The following CSMD1 variants were observed in gnomAD, a reference collection of about 807,000 sequenced individuals.
CSMD1 encodes the protein CUB and Sushi multiple domains 1, also known as CUB and sushi domain-containing protein 1.
A neutral mutation model predicts 417.5 loss-of-function variants in CSMD1; 213 were observed. That is an observed-to-expected ratio of 0.51 (90% CI 0.46 to 0.57). The LOEUF (loss-of-function observed/expected upper bound fraction) is 0.57. CSMD1 is among the 20% of genes least tolerant of loss of function. CSMD1 has a pLI of 0.00. For missense variants in CSMD1, 6,923 were observed against 4,529.7 expected, an observed-to-expected ratio of 1.53 and a Z score of -15.17; for synonymous variants, 2,862 against 1,736.8, an observed-to-expected ratio of 1.65 and a Z score of -16.11.
chr8:3,114,108 C>T (rs144553596), intron 42 of CSMD1, among the ~76,000 whole-genome samples: 37 of 152,094 alleles, frequency 2.4e-4, no homozygotes, highest in African/African-American at 7.9e-4. Flanking sequence ...TCCATGCATG[C>T]GAGCACATGC....
At chr8:3,424,831 T>C (rs1398266490) in intron 12 of CSMD1, among the ~76,000 whole-genome samples, 2 of 152,142 alleles carry the variant, frequency 1.3e-5, no homozygotes, top group Non-Finnish European at 2.9e-5. Context: ...TTATCATCAT[T>C]CTATTTTTTT....
chr8:3,022,540 C>G (rs1809530323), intron 51 of CSMD1, among the ~76,000 whole-genome samples: 1 of 152,206 alleles, frequency 6.6e-6, no homozygotes, highest in African/African-American at 2.4e-5. Flanking sequence ...AATATATCAA[C>G]TTTAAAAAAC....
intron 3 of CSMD1, among the ~76,000 whole-genome samples, chr8:4,157,901 G>A (rs1430486639): frequency 2.0e-5 from 3 of 152,168 alleles, no homozygotes; most frequent in South Asian, 2.1e-4. Flanking sequence ...ACAGGATGCT[G>A]AACTTGGGCT....
At chr8:4,320,645 G>C (rs1419792283) in intron 3 of CSMD1, among the ~76,000 whole-genome samples, 1 of 152,110 alleles carries the variant, frequency 6.6e-6, no homozygotes, top group African/African-American at 2.4e-5. Flanking sequence ...TGCTGAGAAT[G>C]ATGGTTTACA....
chr8:3,337,003 G>A (rs763920504), intron 23 of CSMD1, among the ~76,000 whole-genome samples: 3 of 152,154 alleles, frequency 2.0e-5, no homozygotes, highest in Non-Finnish European at 2.9e-5. Context: ...CAGGAGCTGT[G>A]CCTGAGGGTG....
chr8:3,562,040 C>G (rs1167780851), intron 10 of CSMD1, among the ~76,000 whole-genome samples: 1 of 152,022 alleles, frequency 6.6e-6, no homozygotes, highest in Admixed American at 6.6e-5. Flanking sequence ...TCACTACCAC[C>G]CATCTCATAA....
chr8:4,177,595 G>T (rs191639610), intron 3 of CSMD1, among the ~76,000 whole-genome samples: 5,160 of 151,032 alleles, frequency 0.034, 315 homozygotes, highest in African/African-American at 0.12. Context: ...AGAACTGAAG[G>T]AAATAGAGAT....
intron 1 of CSMD1, among the ~76,000 whole-genome samples, chr8:4,845,649 G>C (rs529585171): frequency 6.6e-6 from 1 of 152,158 alleles, no homozygotes; most frequent in South Asian, 2.1e-4. Flanking sequence ...TGTTGAAGAA[G>C]CACAGACGGG....
At chr8:3,981,500 T>TAAAAAAAAAAAAAAAAAAAAAAA (rs200296436) in intron 5 of CSMD1, among the ~76,000 whole-genome samples, 1 of 115,074 alleles carries the variant, frequency 8.7e-6, no homozygotes, top group Non-Finnish European at 1.7e-5. Context: ...TAGAAAAAAG[T>TAAAAAAAAAAAAAAAAAAAAAAA]AAAAAAAAAA....
At chr8:4,467,796 G>C (rs956017329) in intron 2 of CSMD1, among the ~76,000 whole-genome samples, 1 of 152,140 alleles carries the variant, frequency 6.6e-6, no homozygotes, top group Non-Finnish European at 1.5e-5. Flanking sequence ...TTCTTATATG[G>C]GGAAAGAACT....
intron 1 of CSMD1, among the ~76,000 whole-genome samples, chr8:4,790,892 T>C (rs1006989046): frequency 6.6e-6 from 1 of 152,070 alleles, no homozygotes; most frequent in South Asian, 2.1e-4. Context: ...GAAGGAAACA[T>C]AGGAAATACC....
At chr8:3,196,083 C>A (rs1036040494) in intron 33 of CSMD1, among the ~76,000 whole-genome samples, 1 of 152,142 alleles carries the variant, frequency 6.6e-6, no homozygotes, top group Admixed American at 6.5e-5. Flanking sequence ...AAGAAGCCGG[C>A]CCAAATCCAC....
intron 51 of CSMD1, among the ~76,000 whole-genome samples, chr8:3,023,990 A>C (rs1281495495): frequency 6.6e-6 from 1 of 152,142 alleles, no homozygotes; most frequent in Non-Finnish European, 1.5e-5. Context: ...TGAAGAAGCT[A>C]GCACAGTGTG....
chr8:4,022,838 A>G (rs530772355), intron 4 of CSMD1, among the ~76,000 whole-genome samples: 2 of 152,226 alleles, frequency 1.3e-5, no homozygotes, highest in African/African-American at 4.8e-5. Flanking sequence ...TTCAGAAAGA[A>G]GAAGAGAGTT....
Position 2,945,802 on chromosome 8 carries a change from G to C in CSMD1, c.10403-3198C>G, listed in dbSNP as rs563657216. ...GGCTGTTGCAACCACAACTGTTGCT[G>C]CCACTACTACAATGATAAATCAAAC... On this transcript the variant is annotated intron_variant, in intron 68 of 69. Transcript: ENST00000635120. 2.3e-3 allele frequency among the ~76,000 whole-genome samples: 351 copies of C among 151,646 alleles called. 1 individual carries two copies. The highest frequency in any genetic ancestry group is 8.4e-3 in the African/African-American group (346 of 41,006).
chr8:3,349,561 G>A (rs1222857248), intron 21 of CSMD1, among the ~76,000 whole-genome samples: 5 of 151,824 alleles, frequency 3.3e-5, no homozygotes, highest in African/African-American at 9.7e-5. Flanking sequence ...TGAGGCGGAA[G>A]TGCAGGCAAT....
rs61391436 is a variant in CSMD1 at position 3,613,702 on chromosome 8, A to AACACACACACAC, written c.1097+2996_1097+3007dup. The stretch of plus-strand genomic sequence containing the variant: ...AAATTCCAAATTCATGTCAGATTAA[A>AACACACACACAC]ACACACACACACACACACACACACA... On this transcript the variant is annotated intron_variant, in intron 8 of 69. Coordinates refer to ENST00000635120, the MANE Select transcript of CSMD1 (RefSeq NM_033225.6). Among the ~76,000 whole-genome samples, 12 of 144,788 alleles carry AACACACACACAC rather than the reference A, an allele frequency of 8.3e-5. No homozygotes were observed. In the East Asian group the frequency reaches 1.9e-3, roughly 22 times the overall value. 95.0% of individuals were successfully genotyped at this position (144,788 alleles called of 152,430 possible). A position where few individuals can be genotyped will look rare whatever the true frequency, so the allele number is the denominator to read the frequency against.
chr8:3,835,999 A>G (rs187552346), intron 5 of CSMD1, among the ~76,000 whole-genome samples: 36 of 152,182 alleles, frequency 2.4e-4, no homozygotes, highest in African/African-American at 7.9e-4. Context: ...ATAAGATTCT[A>G]TCATTTCTAC....
chr8:3,036,100 C>G lies in CSMD1; in HGVS notation c.7661-6587G>C, dbSNP rs570662394. 9.2e-5 allele frequency among the ~76,000 whole-genome samples: 14 copies of G among 152,286 alleles called. 1 individual carries two copies. In the South Asian group the frequency reaches 2.5e-3, roughly 27 times the overall value. On this transcript the variant is annotated intron_variant, in intron 50 of 69. Coordinates refer to ENST00000635120, the MANE Select transcript of CSMD1 (RefSeq NM_033225.6). The stretch of plus-strand genomic sequence containing the variant: ...TCCTGTGCATAAAAGACACATTGCC[C>G]TGACTTGTGAGTGTTTCAGCAACAA...
Sources: allele counts gnomAD v4.1 joint callset (sites outside exome capture counted in the v4.1 genomes callset), GRCh38; gene constraint gnomAD v4.1.1; transcripts MANE v1.5; gene names NCBI Gene and HGNC (gene_info 2026-07-23, HGNC 2026-07-21).